The following ZNF804B variants were observed in gnomAD, a reference collection of about 807,000 sequenced individuals.
ZNF804B encodes zinc finger protein 804B, also known as zinc finger 804B.
A neutral mutation model predicts 101.4 loss-of-function variants in ZNF804B; 80 were observed. That is an observed-to-expected ratio of 0.79 (90% CI 0.66 to 0.95). ZNF804B has a LOEUF of 0.95. Ranked by LOEUF, ZNF804B falls within the 40% of genes least tolerant of loss-of-function variation. ZNF804B has a pLI of 0.00. For missense variants in ZNF804B, 1,673 were observed against 1,561.9 expected (o/e 1.07, Z -1.20); for synonymous variants, 622 against 558.8 (o/e 1.11, Z -1.59).
At position 89,043,390 on chromosome 7, in the gene ZNF804B, C is replaced by T. The variant is rs145214376; in HGVS notation, c.109-174765C>T. Among the ~76,000 whole-genome samples the T allele has an allele frequency of 4.3e-3, 653 of 152,222 alleles. 4 individuals carry two copies. The highest frequency in any genetic ancestry group is 0.014 in the African/African-American group (599 of 41,544). On this transcript the variant is annotated intron_variant, in intron 1 of 3. Coordinates refer to ENST00000333190, the MANE Select transcript of ZNF804B (RefSeq NM_181646.5). The stretch of plus-strand genomic sequence containing the variant: ...TCTTTGTATTGCTGCACATAATTAA[C>T]CTTCATTGTCTCAAATTTTTCAAAA...
At chr7:89,264,375 T>C (rs1789753632) in intron 2 of ZNF804B, among the ~76,000 whole-genome samples, 2 of 152,214 alleles carry the variant, frequency 1.3e-5, no homozygotes. Context: ...ATCACATATC[T>C]CAAACTAATA....
rs190904844 is a variant in ZNF804B, at chr7:89,130,643, C to T, written c.109-87512C>T. On this transcript the variant is annotated intron_variant, in intron 1 of 3. Transcript: ENST00000333190. ...AGACACATCTCCAAATACAGCATTA[C>T]GAGACTGGGACTGGCCCATGCTGAG... Among the ~76,000 whole-genome samples, 225 of 152,046 alleles carry T rather than the reference C, an allele frequency of 1.5e-3. 1 individual carries two copies. Among genetic ancestry groups the T allele is most frequent in the African/African-American group, 5.1e-3 (211 of 41,494 alleles).
At chr7:89,006,916 T>C (rs910552272) in intron 1 of ZNF804B, among the ~76,000 whole-genome samples, 1 of 152,196 alleles carries the variant, frequency 6.6e-6, no homozygotes, top group Non-Finnish European at 1.5e-5. Flanking sequence ...AAGGTGTTCC[T>C]TCTTCATGAC....
intron 1 of ZNF804B, among the ~76,000 whole-genome samples, chr7:89,201,101 A>G (rs1478201955): frequency 6.6e-6 from 1 of 152,016 alleles, no homozygotes; most frequent in Non-Finnish European, 1.5e-5. Flanking sequence ...CTTATCAATG[A>G]AAGTTATTTT....
At chr7:89,264,072 G>T (rs1308159790) in intron 2 of ZNF804B, among the ~76,000 whole-genome samples, 1 of 151,982 alleles carries the variant, frequency 6.6e-6, no homozygotes, top group Non-Finnish European at 1.5e-5. Context: ...TTTCCTCCTT[G>T]TCACTTACAA....
At chr7:88,789,338 T>C (rs1790345640) in intron 1 of ZNF804B, among the ~76,000 whole-genome samples, 1 of 152,134 alleles carries the variant, frequency 6.6e-6, no homozygotes, top group African/African-American at 2.4e-5. Context: ...TGTAGAGGAA[T>C]AAAGGTCTGC....
In ZNF804B at chr7:89,334,126, G is replaced by T; in HGVS notation, c.1144G>T (p.Glu382Ter). The T allele has an allele frequency of 6.2e-7, 1 of 1,613,628 alleles. No individual in the cohort carries two copies. The highest frequency in any genetic ancestry group is 1.1e-5 in the South Asian group (1 of 91,070). The stretch of plus-strand genomic sequence containing the variant: ...CAACCATAGTGATGCCAGGATATCT[G>T]AATGCCTGGATGAGTTTTCATCACT... ...IYNHSDARIS[E>*]CLDEFSSLEP... The change falls in exon 4 of 4, where the codon GAA becomes TAA. Residue 382 changes from glutamate (E) to a stop codon, truncating the protein, a stop_gained. Coordinates refer to ENST00000333190, the MANE Select transcript of ZNF804B (RefSeq NM_181646.5). LOFTEE classifies it high-confidence loss of function.
intron 1 of ZNF804B, among the ~76,000 whole-genome samples, chr7:89,196,633 A>G (rs191342720): frequency 7.0e-4 from 106 of 152,300 alleles, no homozygotes; most frequent in Admixed American, 1.8e-3. Context: ...ATGGGATCTA[A>G]TTAAACTAAA....
At chr7:88,971,059 A>G (rs1192375505) in intron 1 of ZNF804B, among the ~76,000 whole-genome samples, 2 of 151,602 alleles carry the variant, frequency 1.3e-5, no homozygotes, top group East Asian at 2.0e-4. Context: ...TTATTTCTTT[A>G]CTTATTGCTA....
chr7:88,857,474 A>G (rs908521934), intron 1 of ZNF804B, among the ~76,000 whole-genome samples: 1 of 152,226 alleles, frequency 6.6e-6, no homozygotes, highest in African/African-American at 2.4e-5. Context: ...ATCAGAGAAT[A>G]CTATCAACAA....
At chr7:89,228,577 G>T (rs144257790) in intron 2 of ZNF804B, among the ~76,000 whole-genome samples, 5,587 of 152,276 alleles carry the variant, frequency 0.037, 108 homozygotes, top group Admixed American at 0.044. Context: ...GCTAGACACA[G>T]GGTGCTGATT....
At chr7:89,248,765 C>G (rs1468930888) in intron 2 of ZNF804B, among the ~76,000 whole-genome samples, 1 of 152,070 alleles carries the variant, frequency 6.6e-6, no homozygotes, top group East Asian at 1.9e-4. Context: ...AAACTCACGA[C>G]AGGATCAACC....
intron 1 of ZNF804B, among the ~76,000 whole-genome samples, chr7:89,040,770 T>C (rs1789004660): frequency 6.6e-6 from 1 of 152,214 alleles, no homozygotes; most frequent in South Asian, 2.1e-4. Context: ...CACCAGGGAA[T>C]GTCCTTCATC....
chr7:89,192,193 A>C (rs558085991), intron 1 of ZNF804B, among the ~76,000 whole-genome samples: 1 of 152,206 alleles, frequency 6.6e-6, no homozygotes, highest in South Asian at 2.1e-4. Flanking sequence ...TCCATGCATC[A>C]CTAAAATCAA....
At chr7:89,235,520 T>C (rs1256057661) in intron 2 of ZNF804B, among the ~76,000 whole-genome samples, 1 of 152,238 alleles carries the variant, frequency 6.6e-6, no homozygotes, top group African/African-American at 2.4e-5. Context: ...GAAACTGGAA[T>C]ACATTTGAGA....
intron 1 of ZNF804B, among the ~76,000 whole-genome samples, chr7:89,060,213 C>T (rs1055760457): frequency 5.3e-5 from 8 of 152,194 alleles, no homozygotes; most frequent in African/African-American, 1.9e-4. Flanking sequence ...GCTAATAAGT[C>T]CACTATATCT....
At chr7:89,158,454 C>T (rs545360625) in intron 1 of ZNF804B, among the ~76,000 whole-genome samples, 30 of 152,186 alleles carry the variant, frequency 2.0e-4, no homozygotes, top group Middle Eastern at 6.8e-3. Context: ...TTCTCTTTTC[C>T]GGTCTCAGGA....
At chr7:89,010,265 A>G (rs982705178) in intron 1 of ZNF804B, among the ~76,000 whole-genome samples, 4 of 152,202 alleles carry the variant, frequency 2.6e-5, no homozygotes, top group Non-Finnish European at 5.9e-5. Context: ...AGGCATTGCT[A>G]TAGGATTCAC....
intron 1 of ZNF804B, among the ~76,000 whole-genome samples, chr7:89,019,727 C>G (rs1303185957): frequency 6.6e-6 from 1 of 151,846 alleles, no homozygotes; most frequent in Non-Finnish European, 1.5e-5. Flanking sequence ...TATACAATGT[C>G]CTTTTTGTTT....
Sources: gnomAD v4.1 joint callset for allele counts (sites outside exome capture counted in the v4.1 genomes callset) on GRCh38, gnomAD v4.1.1 for gene constraint, MANE v1.5 for transcripts, NCBI Gene and HGNC (gene_info 2026-07-23, HGNC 2026-07-21) for gene names.